Variants in SFXN5 observed in about 807,000 individuals in gnomAD.
SFXN5 encodes sideroflexin-5.
Under a neutral mutation model 50.2 loss-of-function variants are expected in SFXN5, and 43 were observed. The observed-to-expected ratio is 0.86, with a 90% confidence interval of 0.67 to 1.11. The LOEUF is 1.11. Among genes scored for constraint, SFXN5 ranks in the 50% least tolerant of loss-of-function variants. The probability of loss-of-function intolerance (pLI) is 0.00; values close to 1 mark genes in which losing one functional copy is unlikely to be tolerated. For missense variants in SFXN5, 463 were observed against 454.1 expected (o/e 1.02, Z -0.18); for synonymous variants, 203 against 185.8 (o/e 1.09, Z -0.75).
At chr2:72,985,956 G>C (rs905403655) in intron 10 of SFXN5, among the ~76,000 whole-genome samples, 1 of 152,192 alleles carries the variant, frequency 6.6e-6, no homozygotes, top group African/African-American at 2.4e-5. Flanking sequence ...CCCCGGCAAA[G>C]TTCTTATCTA....
chr2:73,066,036 G>T (rs1037849923), intron 1 of SFXN5, among the ~76,000 whole-genome samples: 1 of 152,204 alleles, frequency 6.6e-6, no homozygotes, highest in Non-Finnish European at 1.5e-5. Context: ...AGGTCTCAGA[G>T]GTTCCCTGGG....
At position 73,054,471 on chromosome 2, in the gene SFXN5, A is replaced by G. The variant is rs538507859; in HGVS notation, c.171+4057T>C. Among the ~76,000 whole-genome samples, 3 of 152,292 alleles carry G rather than the reference A, an allele frequency of 2.0e-5. No homozygotes were observed. The East Asian group carries it at 5.8e-4, about 29-fold the overall frequency. Reference sequence around the variant, plus strand: ...GTCTTTCAAAATGCAAGAGTTGAAGAATAAAATTGTGGTACAAGGAGGAGA... The same window carrying G: ...GTCTTTCAAAATGCAAGAGTTGAAGGATAAAATTGTGGTACAAGGAGGAGA... On this transcript the variant is annotated intron_variant, in intron 2 of 13. Transcript: ENST00000272433.
At chr2:73,011,915 A>G (rs568683233) in intron 6 of SFXN5, among the ~76,000 whole-genome samples, 1 of 152,324 alleles carries the variant, frequency 6.6e-6, no homozygotes, top group East Asian at 1.9e-4. Flanking sequence ...TTGTGCAAAA[A>G]TGGCTTTACA....
chr2:73,040,890 C>A lies in SFXN5; in HGVS notation c.213G>T (p.Lys71Asn). The change falls in exon 3 of 14, where the codon AAG becomes AAT. Residue 71 changes from lysine to asparagine, a missense_variant. Coordinates refer to ENST00000272433, the MANE Select transcript of SFXN5 (RefSeq NM_144579.3). ...TGACCCCCGGGCGCAGGGTCCCATG[C>A]TTATAGTCCTCCAGCAGCTGCACAG... is the stretch of plus-strand genomic sequence containing the variant. ...REAVQLLEDYKHGTLRPGVTN... is the reference protein window; with the variant it reads ...REAVQLLEDYNHGTLRPGVTN... The A allele has an allele frequency of 6.2e-7, 1 of 1,613,194 alleles. No homozygotes were observed. Among genetic ancestry groups the A allele is most frequent in the East Asian group, 2.2e-5 (1 of 44,882 alleles).
chr2:73,001,378 C>G (rs1433769528), intron 7 of SFXN5, 147 bp downstream of exon 7: 40 of 749,926 alleles, frequency 5.3e-5, no homozygotes, highest in Non-Finnish European at 7.9e-5. Flanking sequence ...GGTTTTCCTT[C>G]AGTGGCTTCT....
In SFXN5 at chr2:72,999,371, C is replaced by G. The variant is rs558457796; in HGVS notation, c.469-357G>C. Among the ~76,000 whole-genome samples the G allele has an allele frequency of 2.0e-5, 3 of 151,974 alleles. No individual in the cohort carries two copies. In the South Asian group the frequency reaches 6.3e-4, roughly 32 times the overall value. The stretch of plus-strand genomic sequence containing the variant: ...TTAGAGGCTAAATGTTTCAAGGGGG[C>G]CATTTGGCATCTGGAGCGCTTTCTA... On this transcript the variant is annotated intron_variant, in intron 8 of 13. Coordinates refer to ENST00000272433, the MANE Select transcript of SFXN5 (RefSeq NM_144579.3).
chr2:72,988,210 C>T (rs770094536), intron 10 of SFXN5, 48 bp downstream of exon 10: 3 of 1,563,954 alleles, frequency 1.9e-6, no homozygotes, highest in Non-Finnish European at 2.6e-6. Context: ...GCCCAGCGGT[C>T]CCCCACACCC....
rs550614664 is a variant in SFXN5 at position 72,986,862 on chromosome 2, G to A, written c.625+1396C>T. On this transcript the variant is annotated intron_variant, in intron 10 of 13. Transcript: ENST00000272433. ...AAATCCCCTCCACATATACCTGTGC[G>A]CCCACAATCACCTGCGTAGAGCCAA... Among the ~76,000 whole-genome samples, 12 of 152,178 alleles carry A rather than the reference G, an allele frequency of 7.9e-5. No individual in the cohort carries two copies. In the South Asian group the frequency reaches 8.3e-4, roughly 11 times the overall value.
intron 13 of SFXN5, among the ~76,000 whole-genome samples, chr2:72,946,077 C>A (rs554999335): frequency 6.6e-6 from 1 of 151,542 alleles, no homozygotes; most frequent in South Asian, 2.1e-4. Context: ...TCCCACCCCA[C>A]AGCTGCCATC....
chr2:72,956,842 G>T, intron 13 of SFXN5: 1 of 334,662 alleles, frequency 3.0e-6, no homozygotes, highest in Non-Finnish European at 6.0e-6. Flanking sequence ...CAGTTTCTTT[G>T]CTGTTCTCCC....
At chr2:73,022,649 G>C (rs1677051195) in intron 4 of SFXN5, 73 bp from the exon 5 acceptor site, 1 of 730,974 alleles carries the variant, frequency 1.4e-6, no homozygotes, top group Admixed American at 2.1e-5. Flanking sequence ...GGGGGAGGGA[G>C]GAGGGAGAAA....
At chr2:72,947,391 C>G (rs1433545614) in intron 13 of SFXN5, among the ~76,000 whole-genome samples, 1 of 152,236 alleles carries the variant, frequency 6.6e-6, no homozygotes, top group South Asian at 2.1e-4. Flanking sequence ...GATGCCTGAG[C>G]CCCTAGCTAG....
intron 13 of SFXN5, among the ~76,000 whole-genome samples, chr2:72,949,513 G>A (rs952058533): frequency 9.2e-5 from 14 of 152,028 alleles, no homozygotes; most frequent in Admixed American, 2.6e-4. Flanking sequence ...ACAGGGTCTC[G>A]CTATGTTGTC....
chr2:73,018,547 A>G (rs1053813961), intron 6 of SFXN5, among the ~76,000 whole-genome samples: 2 of 152,260 alleles, frequency 1.3e-5, no homozygotes, highest in Non-Finnish European at 2.9e-5. Flanking sequence ...GAAACTCGAG[A>G]GGATGCCAAC....
chr2:73,062,931 T>G (rs934449714), intron 1 of SFXN5, among the ~76,000 whole-genome samples: 4 of 152,108 alleles, frequency 2.6e-5, no homozygotes, highest in Non-Finnish European at 5.9e-5. Flanking sequence ...ACTCCTGTGG[T>G]CTCTTCATTC....
At chr2:73,003,846 T>C (rs1304118338) in intron 6 of SFXN5, among the ~76,000 whole-genome samples, 2 of 152,142 alleles carry the variant, frequency 1.3e-5, no homozygotes, top group African/African-American at 4.8e-5. Flanking sequence ...GCAAGCTTTT[T>C]ACTTTGTTAG....
At chr2:73,070,757 C>G (rs1182390650) in intron 1 of SFXN5, 1 of 152,320 alleles carries the variant, frequency 6.6e-6, no homozygotes, top group Non-Finnish European at 1.5e-5. Context: ...GGACCCCTGT[C>G]GCCGTGCCCC....
chr2:73,053,002 AC>A (rs901842496), intron 2 of SFXN5, among the ~76,000 whole-genome samples: 2 of 152,076 alleles, frequency 1.3e-5, no homozygotes, highest in Admixed American at 1.3e-4. Context: ...ACATGGCAAA[AC>A]CCCGTCTCTA....
At chr2:73,009,307 G>A (rs565351883) in intron 6 of SFXN5, among the ~76,000 whole-genome samples, 2 of 152,358 alleles carry the variant, frequency 1.3e-5, no homozygotes, top group African/African-American at 4.8e-5. Flanking sequence ...AAGCTGATGG[G>A]GCTGCAGGAA....
Sources: allele counts gnomAD v4.1 joint callset (sites outside exome capture counted in the v4.1 genomes callset), GRCh38; gene constraint gnomAD v4.1.1; transcripts MANE v1.5; gene names NCBI Gene and HGNC (gene_info 2026-07-23, HGNC 2026-07-21).